The following GPATCH2 variants were observed in gnomAD, a reference collection of about 807,000 sequenced individuals.
GPATCH2 encodes the protein G patch domain-containing protein 2.
A neutral mutation model predicts 58.0 loss-of-function variants in GPATCH2; 51 were observed. The observed-to-expected ratio is 0.88, with a 90% CI of 0.70 to 1.11. The LOEUF (loss-of-function observed/expected upper bound fraction) is 1.11, where lower values mean the gene tolerates loss of function less well. Ranked by LOEUF, GPATCH2 falls within the 50% of genes most tolerant of loss-of-function variation. The pLI is 0.00. For synonymous variants in GPATCH2, 222 were observed against 218.5 expected, an observed-to-expected ratio of 1.02 and a Z score of -0.14; for missense variants, 625 against 652.2, an observed-to-expected ratio of 0.96 and a Z score of 0.45.
chr1:217,598,619 C>G (rs1481076779), intron 5 of GPATCH2, among the ~76,000 whole-genome samples: 1 of 151,770 alleles, frequency 6.6e-6, no homozygotes, highest in Non-Finnish European at 1.5e-5. Context: ...GTACCTGCCA[C>G]CACACCCGGC....
intron 1 of GPATCH2, among the ~76,000 whole-genome samples, chr1:217,629,649 T>C (rs1669640886): frequency 6.6e-6 from 1 of 152,216 alleles, no homozygotes; most frequent in Admixed American, 6.5e-5. Flanking sequence ...TATCTTGTTT[T>C]GTGTGGTGTT....
At chr1:217,559,952 G>A (rs12036190) in intron 5 of GPATCH2, among the ~76,000 whole-genome samples, 9 of 152,034 alleles carry the variant, frequency 5.9e-5, no homozygotes, top group Non-Finnish European at 8.8e-5. Context: ...TGGTTCAAGC[G>A]ATTCTCCTGC....
In GPATCH2 at chr1:217,610,400, C is replaced by A. The variant is rs1224258382; in HGVS notation, c.1019G>T (p.Gly340Val). The change falls in exon 5 of 10, where the codon GGT (glycine) becomes GTT (valine). Residue 340 changes from glycine to valine, a missense_variant and splice_region_variant. Physicochemically the swap from Gly to Val is moderately radical, Grantham distance 109. Coordinates refer to ENST00000366935, the MANE Select transcript of GPATCH2 (RefSeq NM_018040.5). ...FPLMSHPSRR[G>V]FQARLSRLHG... is the part of the protein sequence containing the mutation. ...AAGGCGACTGAGTCTAGCTTGGAAA[C>A]CTGTAAAATCAAAGTACTCAATTTA... The A allele has an allele frequency of 1.3e-6, 2 of 1,574,612 alleles. No individual in the cohort carries two copies. The highest frequency in any genetic ancestry group is 8.7e-7 in the Non-Finnish European group (1 of 1,147,326).
chr1:217,584,344 A>AAAAAAAAAAATAT (rs1463910405), intron 5 of GPATCH2, among the ~76,000 whole-genome samples: 14 of 101,870 alleles, frequency 1.4e-4, no homozygotes, highest in Non-Finnish European at 2.5e-4. Context: ...AAAAAAAAAA[A>AAAAAAAAAAATAT]ATATATATAT....
chr1:217,506,538 C>A (rs536318223), intron 6 of GPATCH2, among the ~76,000 whole-genome samples: 10 of 152,138 alleles, frequency 6.6e-5, no homozygotes, highest in African/African-American at 2.4e-4. Flanking sequence ...AAGGAGGATG[C>A]CTTTTGGCCT....
intron 5 of GPATCH2, among the ~76,000 whole-genome samples, chr1:217,587,110 TC>T (rs1667376926): frequency 6.6e-6 from 1 of 152,146 alleles, no homozygotes; most frequent in Non-Finnish European, 1.5e-5. Flanking sequence ...TCAATTTATC[TC>T]AGATAGCTAG....
chr1:217,456,514 T>C (rs1407630955), intron 8 of GPATCH2, among the ~76,000 whole-genome samples: 2 of 152,192 alleles, frequency 1.3e-5, no homozygotes, highest in African/African-American at 4.8e-5. Flanking sequence ...TGAAGGACTC[T>C]CCTGACTCCT....
intron 5 of GPATCH2, among the ~76,000 whole-genome samples, chr1:217,532,109 G>C (rs746725107): frequency 1.1e-4 from 17 of 152,132 alleles, no homozygotes; most frequent in African/African-American, 4.1e-4. Flanking sequence ...ATCCCAAGTA[G>C]CACACTCCAC....
At chr1:217,608,468 TATC>T (rs1282034133) in intron 5 of GPATCH2, 1 of 985,122 alleles carries the variant, frequency 1.0e-6, no homozygotes, top group Non-Finnish European at 1.2e-6. Context: ...TTAAGCCATG[TATC>T]ATCAATACCA....
rs200079202 is a variant in GPATCH2 at position 217,516,230 on chromosome 1, TTA to T, written c.1099-1343_1099-1342del. Among the ~76,000 whole-genome samples the T allele has an allele frequency of 2.8e-3, 392 of 139,934 alleles. 2 individuals are homozygous for T. The highest frequency in any genetic ancestry group is 0.011 in the African/African-American group (376 of 33,570). The allele number at this position is 139,934 out of a possible 152,430, so 91.8% of individuals were successfully genotyped here. ...CTTTAAGTTATGTTCCATTTTAATT[TTA>T]AAAAAAAACCCTCTGTAATTATAGA... On this transcript the variant is annotated intron_variant, in intron 5 of 9. Transcript: ENST00000366935.
At chr1:217,563,913 G>A (rs984103086) in intron 5 of GPATCH2, among the ~76,000 whole-genome samples, 1 of 151,756 alleles carries the variant, frequency 6.6e-6, no homozygotes, top group Non-Finnish European at 1.5e-5. Context: ...GCGTGGTGGC[G>A]CATGCCTGTA....
In GPATCH2 at chr1:217,427,597, G is replaced by C. The variant is rs1164491562; in HGVS notation, c.*3548C>G. On this transcript the variant is annotated 3_prime_UTR_variant, in exon 10 of 10. Transcript: ENST00000366935. ...CTATTAACATGACTTTCTACCAAAAGAAAAAATAAAAAAAAATATTCTTTG... is the reference window on the plus strand; with the variant it reads ...CTATTAACATGACTTTCTACCAAAACAAAAAATAAAAAAAAATATTCTTTG... The C allele has an allele frequency of 7.4e-6, 1 of 135,720 alleles. No individual in the cohort carries two copies. Among genetic ancestry groups the C allele is most frequent in the East Asian group, 2.0e-4 (1 of 5,080 alleles). 8.4% of individuals were successfully genotyped at this position (135,720 alleles called of 1,614,324 possible).
chr1:217,548,443 A>G (rs1382975421), intron 5 of GPATCH2, among the ~76,000 whole-genome samples: 6 of 152,256 alleles, frequency 3.9e-5, no homozygotes, highest in Non-Finnish European at 8.8e-5. Context: ...CATGTGCTAC[A>G]AATACTAAGA....
At chr1:217,602,959 CT>C (rs1668177141) in intron 5 of GPATCH2, among the ~76,000 whole-genome samples, 1 of 152,072 alleles carries the variant, frequency 6.6e-6, no homozygotes, top group Non-Finnish European at 1.5e-5. Context: ...AGAAATATAA[CT>C]TCCAAATCGT....
chr1:217,546,160 T>C (rs570034516), intron 5 of GPATCH2, among the ~76,000 whole-genome samples: 2 of 152,062 alleles, frequency 1.3e-5, no homozygotes, highest in East Asian at 3.9e-4. Flanking sequence ...CACAAGCAAA[T>C]AGAAAAACAT....
At position 217,617,805 on chromosome 1, in the gene GPATCH2, C is replaced by T. The variant is rs572266934; in HGVS notation, c.773+1978G>A. ...CAAGAGTAAAAACATACTCTGAAAA[C>T]GTGTACCTGGGCTGTTTGTGGACTG... On this transcript the variant is annotated intron_variant, in intron 2 of 9. Transcript: ENST00000366935. Among the ~76,000 whole-genome samples the T allele has an allele frequency of 6.2e-4, 94 of 152,126 alleles. 1 individual carries two copies. The highest frequency in any genetic ancestry group is 2.0e-3 in the African/African-American group (82 of 41,494).
At chr1:217,465,566 T>A (rs1259646000) in intron 8 of GPATCH2, among the ~76,000 whole-genome samples, 2 of 152,196 alleles carry the variant, frequency 1.3e-5, no homozygotes, top group Non-Finnish European at 2.9e-5. Context: ...ATTCTCATAA[T>A]AATGAATAAG....
intron 8 of GPATCH2, among the ~76,000 whole-genome samples, chr1:217,459,012 T>C (rs1660080877): frequency 6.6e-6 from 1 of 152,194 alleles, no homozygotes; most frequent in African/African-American, 2.4e-5. Flanking sequence ...GTTTTTCATA[T>C]ATTAAAAGCA....
intron 5 of GPATCH2, among the ~76,000 whole-genome samples, chr1:217,537,620 G>C (rs749525119): frequency 7.2e-4 from 110 of 152,022 alleles, no homozygotes; most frequent in Non-Finnish European, 1.4e-3. Flanking sequence ...AAACCACTTC[G>C]GTCTTATATG....
Sources: allele counts gnomAD v4.1 joint callset (sites outside exome capture counted in the v4.1 genomes callset), GRCh38; gene constraint gnomAD v4.1.1; transcripts MANE v1.5; gene names NCBI Gene and HGNC (gene_info 2026-07-23, HGNC 2026-07-21).